Variants in DYNC1I2 observed in about 807,000 individuals in gnomAD.
DYNC1I2 encodes dynein cytoplasmic 1 intermediate chain 2.
A neutral mutation model predicts 88.6 loss-of-function variants in DYNC1I2; 53 were observed. The observed-to-expected ratio is 0.60, with a 90% CI of 0.48 to 0.75. The LOEUF (loss-of-function observed/expected upper bound fraction) is 0.75, where lower values mean the gene tolerates loss of function less well. Among genes scored for constraint, DYNC1I2 ranks in the 30% least tolerant of loss-of-function variants. The pLI, the probability that DYNC1I2 is intolerant of heterozygous loss-of-function variation, is 0.00. For synonymous variants in DYNC1I2, 198 were observed against 254.6 expected (o/e 0.78, Z 2.12); for missense variants, 458 against 766.6 (o/e 0.60, Z 4.75).
At chr2:171,706,779 A>C (rs1467793556) in intron 4 of DYNC1I2, 3 of 471,214 alleles carry the variant, frequency 6.4e-6, no homozygotes, top group Non-Finnish European at 7.4e-6. Context: ...AAATCATTTT[A>C]AACATTACTT....
intron 7 of DYNC1I2, among the ~76,000 whole-genome samples, chr2:171,724,034 C>T (rs911314957): frequency 2.6e-5 from 4 of 152,244 alleles, no homozygotes; most frequent in African/African-American, 4.8e-5. Flanking sequence ...TTAACCTTCA[C>T]CATTTGGTTC....
intron 3 of DYNC1I2, among the ~76,000 whole-genome samples, chr2:171,693,322 A>T (rs1296076985): frequency 6.6e-6 from 1 of 152,224 alleles, no homozygotes; most frequent in Non-Finnish European, 1.5e-5. Flanking sequence ...CAGGAGTGGA[A>T]GGATAAGCTT....
intron 15 of DYNC1I2, among the ~76,000 whole-genome samples, chr2:171,736,296 A>C (rs1391179488): frequency 2.0e-5 from 3 of 152,224 alleles, no homozygotes; most frequent in Admixed American, 2.0e-4. Context: ...ACTCAGTTTA[A>C]TCAGTATACT....
At chr2:171,743,520 C>T (rs776133139) in intron 15 of DYNC1I2, among the ~76,000 whole-genome samples, 27 of 152,226 alleles carry the variant, frequency 1.8e-4, no homozygotes, top group Non-Finnish European at 3.7e-4. Flanking sequence ...TTCTGTTCTC[C>T]ACCTGTCAGA....
chr2:171,690,628 C>CGCA (rs1288551771), intron 2 of DYNC1I2, among the ~76,000 whole-genome samples: 1 of 149,680 alleles, frequency 6.7e-6, no homozygotes, highest in Non-Finnish European at 1.5e-5. Flanking sequence ...TAAAGTAAGG[C>CGCA]GCATCTGTAT....
At position 171,702,116 on chromosome 2, in the gene DYNC1I2, A is replaced by T. The variant is rs142688435; in HGVS notation, c.227-4431A>T. Among the ~76,000 whole-genome samples the T allele has an allele frequency of 2.3e-4, 35 of 152,356 alleles. No homozygotes were observed. The East Asian group carries it at 6.7e-3, about 29-fold the overall frequency. ...GTGTTTATCAAAGCAGCATGAGCTG[A>T]TTAACAGTTGAATTACCAGTTTCTC... On this transcript the variant is annotated intron_variant, in intron 3 of 17. Coordinates refer to ENST00000397119, the MANE Select transcript of DYNC1I2 (RefSeq NM_001378.3).
intron 5 of DYNC1I2, 22 bp downstream of exon 5, chr2:171,707,399 T>C: frequency 2.5e-6 from 4 of 1,600,580 alleles, no homozygotes; most frequent in Non-Finnish European, 3.4e-6. Flanking sequence ...TTCCTTTTAA[T>C]GTTTTAATGA....
chr2:171,728,071 G>A, intron 12 of DYNC1I2, 104 bp downstream of exon 12: 1 of 1,342,836 alleles, frequency 7.4e-7, no homozygotes, highest in African/African-American at 1.5e-5. Context: ...GCTTCCTTTG[G>A]TGTATGAATT....
intron 2 of DYNC1I2, among the ~76,000 whole-genome samples, chr2:171,690,800 A>G (rs1685348195): frequency 6.6e-6 from 1 of 151,776 alleles, no homozygotes; most frequent in Admixed American, 6.6e-5. Flanking sequence ...GCCTACAGGC[A>G]CATGTCACTA....
At chr2:171,702,756 T>G (rs1686364173) in intron 3 of DYNC1I2, among the ~76,000 whole-genome samples, 1 of 151,666 alleles carries the variant, frequency 6.6e-6, no homozygotes, top group South Asian at 2.1e-4. Context: ...ACAGTCTCAC[T>G]CTGTTGTTCA....
chr2:171,723,809 C>CT (rs1688057769), intron 7 of DYNC1I2, among the ~76,000 whole-genome samples: 1 of 152,308 alleles, frequency 6.6e-6, no homozygotes, highest in East Asian at 1.9e-4. Flanking sequence ...AGCAGGGTCA[C>CT]TGAGATCACT....
chr2:171,748,524 C>T lies in DYNC1I2; in HGVS notation c.*635C>T. The T allele has an allele frequency of 6.6e-6, 1 of 152,088 alleles. No homozygotes were observed. Among genetic ancestry groups the T allele is most frequent in the East Asian group, 1.9e-4 (1 of 5,202 alleles). The allele number at this position is 152,088 out of a possible 1,614,324, so 9.4% of individuals were successfully genotyped here. On this transcript the variant is annotated 3_prime_UTR_variant, in exon 18 of 18. Transcript: ENST00000397119. ...CTGCTGTGAGCAGCCATCTCAAATC[C>T]TATAGAGCTGTGTACCCTAAATATA... is the stretch of plus-strand genomic sequence containing the variant.
At chr2:171,738,579 GC>G (rs1689173810) in intron 15 of DYNC1I2, among the ~76,000 whole-genome samples, 1 of 152,106 alleles carries the variant, frequency 6.6e-6, no homozygotes. Flanking sequence ...TCTTTTGATG[GC>G]CATAAGCACT....
chr2:171,696,703 G>C (rs1007409347), intron 3 of DYNC1I2, among the ~76,000 whole-genome samples: 1 of 152,088 alleles, frequency 6.6e-6, no homozygotes, highest in East Asian at 1.9e-4. Context: ...CCCCACTGAA[G>C]TCCGATGCCA....
At chr2:171,738,319 C>T (rs559624515) in intron 15 of DYNC1I2, among the ~76,000 whole-genome samples, 36 of 151,216 alleles carry the variant, frequency 2.4e-4, no homozygotes, top group Admixed American at 5.9e-4. Flanking sequence ...GAGACAAGAA[C>T]GAAACTCCAG....
rs189258914 is a variant in DYNC1I2, at chr2:171,748,639, T to C, written c.*750T>C. Among the ~76,000 whole-genome samples the C allele has an allele frequency of 2.0e-5, 3 of 152,342 alleles. No individual in the cohort carries two copies. The East Asian group carries it at 5.8e-4, about 29-fold the overall frequency. ...GAAAAAATTTCCCCTAGGTTAACTT[T>C]TGCTTTACTACTTTATATTCTTTCC... On this transcript the variant is annotated 3_prime_UTR_variant, in exon 18 of 18. Coordinates refer to ENST00000397119, the MANE Select transcript of DYNC1I2 (RefSeq NM_001378.3).
intron 7 of DYNC1I2, among the ~76,000 whole-genome samples, chr2:171,716,101 T>C (rs1224482674): frequency 2.6e-5 from 4 of 152,128 alleles, no homozygotes; most frequent in African/African-American, 9.7e-5. Flanking sequence ...GCTAATGAAT[T>C]TATATCATAC....
chr2:171,706,525 T>C, intron 3 of DYNC1I2, 22 bp from the exon 4 acceptor site: 2 of 1,607,370 alleles, frequency 1.2e-6, no homozygotes, highest in South Asian at 2.2e-5. Flanking sequence ...TGGGTGTCTG[T>C]ATCTTTGTCT....
chr2:171,728,768 A>T lies in DYNC1I2; in HGVS notation c.1309A>T (p.Met437Leu), dbSNP rs201193900. 10 of 1,610,202 alleles carry T rather than the reference A, an allele frequency of 6.2e-6. No individual in the cohort carries two copies. Among genetic ancestry groups the T allele is most frequent in the Non-Finnish European group, 7.6e-6 (9 of 1,178,254 alleles). The change falls in exon 14 of 18, where the codon ATG (methionine) becomes TTG (leucine). Residue 437 changes from methionine (M) to leucine (L), a missense_variant. By Grantham distance (15) the Met-to-Leu change is conservative. Coordinates refer to ENST00000397119, the MANE Select transcript of DYNC1I2 (RefSeq NM_001378.3). ...GTCAAAAGCAGTAGCTGTGACATCT[A>T]TGTCCTTCCCTGTTGGAGATGTCAA... is the stretch of plus-strand genomic sequence containing the variant. ...KQSKAVAVTSMSFPVGDVNNF... is the reference protein window; with the variant it reads ...KQSKAVAVTSLSFPVGDVNNF...
Sources: allele counts gnomAD v4.1 joint callset (sites outside exome capture counted in the v4.1 genomes callset), GRCh38; gene constraint gnomAD v4.1.1; transcripts MANE v1.5; gene names NCBI Gene and HGNC (gene_info 2026-07-23, HGNC 2026-07-21).